SIM2: variants seen among roughly 807,000 people sequenced by gnomAD.
The protein encoded by SIM2 is SIM bHLH transcription factor 2.
A neutral mutation model predicts 64.8 loss-of-function variants in SIM2; 28 were observed. That is an observed-to-expected ratio of 0.43 (90% CI 0.32 to 0.59). The LOEUF (loss-of-function observed/expected upper bound fraction) is 0.59. SIM2 is among the 20% of genes least tolerant of loss of function. The pLI, the probability that SIM2 is intolerant of heterozygous loss-of-function variation, is 0.07. For synonymous variants in SIM2, 408 were observed against 391.1 expected (o/e 1.04, Z -0.51); for missense variants, 847 against 871.4 (o/e 0.97, Z 0.35).
At chr21:36,719,652 G>C (rs1003896196) in intron 3 of SIM2, among the ~76,000 whole-genome samples, 169 bp from the exon 4 acceptor site, 1 of 152,212 alleles carries the variant, frequency 6.6e-6, no homozygotes, top group Non-Finnish European at 1.5e-5. Context: ...AGAGCTCTGA[G>C]CTCTGTTGAG....
intron 7 of SIM2, among the ~76,000 whole-genome samples, chr21:36,732,561 C>G (rs1343404761): frequency 6.6e-6 from 1 of 152,206 alleles, no homozygotes; most frequent in South Asian, 2.1e-4. Flanking sequence ...GACAGAAACC[C>G]GTGACAACCA....
At position 36,726,412 on chromosome 21, in the gene SIM2, A is replaced by T. The variant is rs950704310; in HGVS notation, c.743+94A>T. Reference sequence around the variant, plus strand: ...AAAGCTGCCATCTTGGCCAAATCATAACAAGGAATAAGTCATAATAGGAAT... The same window carrying T: ...AAAGCTGCCATCTTGGCCAAATCATTACAAGGAATAAGTCATAATAGGAAT... On this transcript the variant is annotated intron_variant, in intron 6 of 10. Coordinates refer to ENST00000290399, the MANE Select transcript of SIM2 (RefSeq NM_005069.6). This position sits in a 1 kb window ranked among gnomAD's most constrained non-coding sequence, Gnocchi z 4.5. 21 of 1,077,114 alleles carry T rather than the reference A, an allele frequency of 1.9e-5. No individual in the cohort carries two copies. The African/African-American group carries it at 3.1e-4, about 16-fold the overall frequency. The allele number at this position is 1,077,114 out of a possible 1,614,324, so 66.7% of individuals were successfully genotyped here.
chr21:36,748,248 C>G lies in SIM2; in HGVS notation c.*156C>G, dbSNP rs9983571. Reference sequence around the variant, plus strand: ...CTTGCGGATTTCCACCGCGGAGGCCCCGCGCGCCGGTGCCGAGGGCCGAGG... The same window carrying G: ...CTTGCGGATTTCCACCGCGGAGGCCGCGCGCGCCGGTGCCGAGGGCCGAGG... On this transcript the variant is annotated 3_prime_UTR_variant, in exon 11 of 11. Coordinates refer to ENST00000290399, the MANE Select transcript of SIM2 (RefSeq NM_005069.6). 0.29 allele frequency: 105,434 copies of G among 360,416 alleles called. 17,902 individuals carry two copies. The highest frequency in any genetic ancestry group is 0.34 in the Non-Finnish European group (81,254 of 239,476). The allele number at this position is 360,416 out of a possible 1,614,324, so 22.3% of individuals were successfully genotyped here.
At position 36,745,436 on chromosome 21, in the gene SIM2, G is replaced by C. The variant is rs2089217913; in HGVS notation, c.1576+300G>C. Reference sequence around the variant, plus strand: ...CACATTCACCAACCAAAGGGGGACAGTGATTTTCAAAACCAGCTCCCATGT... The same window carrying C: ...CACATTCACCAACCAAAGGGGGACACTGATTTTCAAAACCAGCTCCCATGT... On this transcript the variant is annotated intron_variant, in intron 10 of 10. Transcript: ENST00000290399. This position sits in a 1 kb window ranked among gnomAD's most constrained non-coding sequence, Gnocchi z 4.8. 2 of 1,269,096 alleles carry C rather than the reference G, an allele frequency of 1.6e-6. No homozygotes were observed. Among genetic ancestry groups the C allele is most frequent in the African/African-American group, 1.5e-5 (1 of 66,138 alleles). 78.6% of individuals were successfully genotyped at this position (1,269,096 alleles called of 1,614,324 possible).
chr21:36,699,628 C>T lies in SIM2; in HGVS notation c.-119C>T. On this transcript the variant is annotated 5_prime_UTR_variant, in exon 1 of 11. Coordinates refer to ENST00000290399, the MANE Select transcript of SIM2 (RefSeq NM_005069.6). The surrounding 1 kb of genome is among the most constrained non-coding windows in gnomAD (Gnocchi z 5.6). ...AGGCCCCCCGCACCTGCCCGCGGCC[C>T]ACTCCGCGGACTCACCTGGCTCCCG... is the stretch of plus-strand genomic sequence containing the variant. 8.7e-7 allele frequency: 1 copy of T among 1,150,692 alleles called. No homozygotes were observed. The highest frequency in any genetic ancestry group is 3.4e-5 in the Admixed American group (1 of 29,228). 71.3% of individuals were successfully genotyped at this position (1,150,692 alleles called of 1,614,324 possible).
At chr21:36,727,855 T>C (rs984817264) in intron 6 of SIM2, among the ~76,000 whole-genome samples, 1 of 151,570 alleles carries the variant, frequency 6.6e-6, no homozygotes, top group Non-Finnish European at 1.5e-5. Flanking sequence ...TGATGTTCTA[T>C]AGAGAAAAAA....
At chr21:36,723,570 C>G (rs1053724746) in intron 5 of SIM2, among the ~76,000 whole-genome samples, 1 of 152,236 alleles carries the variant, frequency 6.6e-6, no homozygotes, top group Non-Finnish European at 1.5e-5. Context: ...TGCTAGCGCC[C>G]TTTCCAAGGT....
intron 4 of SIM2, among the ~76,000 whole-genome samples, chr21:36,721,954 T>C (rs1480971115): frequency 2.0e-5 from 3 of 152,184 alleles, no homozygotes; most frequent in African/African-American, 4.8e-5. Flanking sequence ...CTGACTCATT[T>C]CCACAGCCGG....
intron 6 of SIM2, among the ~76,000 whole-genome samples, chr21:36,730,517 GGGATCAT>G (rs1356347411): frequency 6.6e-6 from 1 of 152,210 alleles, no homozygotes; most frequent in Non-Finnish European, 1.5e-5. Flanking sequence ...CAGAGTGTTT[GGGATCAT>G]GGAAAGCTCT....
chr21:36,741,632 T>G, intron 7 of SIM2, 85 bp from the exon 8 acceptor site: 4 of 1,502,948 alleles, frequency 2.7e-6, no homozygotes, highest in Non-Finnish European at 3.6e-6. Context: ...GAGGTGTCCT[T>G]GGGACAGAGG....
At chr21:36,735,934 G>A (rs1420268648) in intron 7 of SIM2, among the ~76,000 whole-genome samples, 4 of 152,146 alleles carry the variant, frequency 2.6e-5, no homozygotes, top group East Asian at 1.9e-4. Flanking sequence ...CTTGAGGGAA[G>A]GGCAGTGAGG....
chr21:36,745,651 C>A lies in SIM2; in HGVS notation c.1576+515C>A. 1 of 1,157,898 alleles carries A rather than the reference C, an allele frequency of 8.6e-7. No homozygotes were observed. The highest frequency in any genetic ancestry group is 1.1e-6 in the Non-Finnish European group (1 of 913,866). The allele number at this position is 1,157,898 out of a possible 1,614,324, so 71.7% of individuals were successfully genotyped here. ...CCAACCCAGGGCAAAGAACACAAAC[C>A]CTCCAGGCCTCAGTTTCTTCACCTG... On this transcript the variant is annotated intron_variant, in intron 10 of 10. Transcript: ENST00000290399. The surrounding 1 kb of genome is among the most constrained non-coding windows in gnomAD (Gnocchi z 4.8).
chr21:36,739,997 A>G (rs1240828400), intron 7 of SIM2, among the ~76,000 whole-genome samples: 11 of 135,840 alleles, frequency 8.1e-5, no homozygotes, highest in Admixed American at 3.1e-4. Context: ...GAAGAGAAGA[A>G]AGAAAGAAAG....
intron 9 of SIM2, among the ~76,000 whole-genome samples, chr21:36,744,104 C>T (rs943662110): frequency 2.0e-5 from 3 of 151,950 alleles, no homozygotes; most frequent in Admixed American, 6.6e-5. Flanking sequence ...CAAAACTTCG[C>T]GCCTGTAGTC....
rs1568930393 is a variant in SIM2, at chr21:36,719,757, G to GCCC, written c.349-62_349-60dup. ...AGGGTGAGCACCTGTGACACACCTT[G>GCCC]CCCCTCCCCCTGCGCCAATCCCAGA... On this transcript the variant is annotated intron_variant, in intron 3 of 10. Transcript: ENST00000290399. 6.4e-6 allele frequency: 6 copies of GCCC among 938,778 alleles called. No homozygotes were observed. The South Asian group carries it at 7.8e-5, about 12-fold the overall frequency. 58.2% of individuals were successfully genotyped at this position (938,778 alleles called of 1,614,324 possible). A position where few individuals can be genotyped will look rare whatever the true frequency, so the allele number is the denominator to read the frequency against.
At chr21:36,741,942 T>C (rs2089166867) in intron 8 of SIM2, 78 bp downstream of exon 8, 4 of 1,253,188 alleles carry the variant, frequency 3.2e-6, no homozygotes, top group South Asian at 3.1e-5. Flanking sequence ...ATAAGCACCA[T>C]CTCTCTTTCT....
intron 9 of SIM2, among the ~76,000 whole-genome samples, chr21:36,743,967 G>T: frequency 6.6e-6 from 1 of 152,334 alleles, no homozygotes; most frequent in Non-Finnish European, 1.5e-5. Flanking sequence ...AGCAATTGTC[G>T]GTTGGGCGTG....
Position 36,744,861 on chromosome 21 carries a change from C to T in SIM2, c.1301C>T (p.Pro434Leu). The T allele has an allele frequency of 1.2e-6, 2 of 1,614,264 alleles. No individual in the cohort carries two copies. Among genetic ancestry groups the T allele is most frequent in the Non-Finnish European group, 1.7e-6 (2 of 1,180,056 alleles). Residue 434 changes from proline (P) to leucine (L), a missense_variant, in exon 10 of 11, where the codon CCA becomes CTA. Around this residue, in one of 3 missense-constraint regions of SIM2, gnomAD observed 447 missense variants for 414.6 expected, o/e 1.08. Coordinates refer to ENST00000290399, the MANE Select transcript of SIM2 (RefSeq NM_005069.6). ...HSESSDLLYTPSYSLPFSYHY... is the reference protein window; with the variant it reads ...HSESSDLLYTLSYSLPFSYHY... The stretch of plus-strand genomic sequence containing the variant: ...GAAAGCAGTGACCTTCTGTACACGC[C>T]ATCCTACAGCCTGCCCTTCTCCTAC...
chr21:36,715,049 A>G (rs2088728270), intron 3 of SIM2, among the ~76,000 whole-genome samples: 2 of 152,234 alleles, frequency 1.3e-5, no homozygotes, highest in South Asian at 4.1e-4. Flanking sequence ...TTCTAAAAAG[A>G]TAAGTCAAAC....
Sources: gnomAD v4.1 joint callset for allele counts (sites outside exome capture counted in the v4.1 genomes callset) on GRCh38, gnomAD v4.1.1 for gene constraint, gnomAD v4.1.1 regional missense constraint, Gnocchi (gnomAD v3.1) non-coding constraint, MANE v1.5 for transcripts, NCBI Gene and HGNC (gene_info 2026-07-23, HGNC 2026-07-21) for gene names.